Variants in RASAL2 observed in about 807,000 individuals in gnomAD.
RASAL2 encodes RAS protein activator like 2, also known as ras GTPase-activating protein nGAP.
RASAL2 carries 58 observed loss-of-function variants against 128.9 expected under a neutral mutation model. The ratio of observed to expected loss-of-function variants is 0.45; its 90% CI spans 0.36 to 0.56. RASAL2 has a LOEUF of 0.56. Among genes scored for constraint, RASAL2 ranks in the 20% least tolerant of loss-of-function variants. The pLI is 0.00. For synonymous variants in RASAL2, 561 were observed against 580.8 expected, an observed-to-expected ratio of 0.97 and a Z score of 0.49; for missense variants, 1,360 against 1,601.6, an observed-to-expected ratio of 0.85 and a Z score of 2.57.
At chr1:178,220,068 T>TG (rs1408309887) in intron 1 of RASAL2, among the ~76,000 whole-genome samples, 2 of 152,112 alleles carry the variant, frequency 1.3e-5, no homozygotes, top group African/African-American at 4.8e-5. Context: ...TCTCACCATG[T>TG]GATATGCCTG....
chr1:178,330,085 G>A (rs1046246616), intron 3 of RASAL2, among the ~76,000 whole-genome samples: 4 of 152,148 alleles, frequency 2.6e-5, no homozygotes, highest in African/African-American at 7.2e-5. Flanking sequence ...TAGGGGTAGG[G>A]GGAAGGATAA....
At chr1:178,277,252 G>T (rs1429588698) in intron 1 of RASAL2, among the ~76,000 whole-genome samples, 1 of 148,784 alleles carries the variant, frequency 6.7e-6, no homozygotes, top group Non-Finnish European at 1.5e-5. Flanking sequence ...TTGATGAAAA[G>T]AAAAAATGCA....
At chr1:178,401,818 G>T (rs1673646021) in intron 4 of RASAL2, among the ~76,000 whole-genome samples, 1 of 152,116 alleles carries the variant, frequency 6.6e-6, no homozygotes, top group African/African-American at 2.4e-5. Context: ...TTAAAATAAG[G>T]TGGTTACAGT....
At chr1:178,212,368 T>C (rs1038011223) in intron 1 of RASAL2, among the ~76,000 whole-genome samples, 1 of 152,236 alleles carries the variant, frequency 6.6e-6, no homozygotes, top group Non-Finnish European at 1.5e-5. Flanking sequence ...TTGTTGTTTT[T>C]GTGGTCTTCA....
intron 1 of RASAL2, among the ~76,000 whole-genome samples, chr1:178,142,273 T>C (rs1014993647): frequency 3.3e-5 from 5 of 152,118 alleles, no homozygotes; most frequent in African/African-American, 1.2e-4. Context: ...ATAAAATGAC[T>C]GGGTAGGGTC....
At chr1:178,393,326 A>G (rs1318935576) in intron 4 of RASAL2, among the ~76,000 whole-genome samples, 1 of 152,200 alleles carries the variant, frequency 6.6e-6, no homozygotes, top group Non-Finnish European at 1.5e-5. Context: ...GTTTTTCTGC[A>G]ACTAGACGGT....
rs553583420 is a variant in RASAL2 at position 178,345,937 on chromosome 1, G to C, written c.458-44163G>C. 1.2e-4 allele frequency among the ~76,000 whole-genome samples: 18 copies of C among 152,234 alleles called. No individual in the cohort carries two copies. In the South Asian group the frequency reaches 3.7e-3, roughly 32 times the overall value. On this transcript the variant is annotated intron_variant, in intron 3 of 17. Coordinates refer to ENST00000367649, the MANE Select transcript of RASAL2 (RefSeq NM_170692.4). The stretch of plus-strand genomic sequence containing the variant: ...TATGATTATAGAATATTTCTTATCA[G>C]TATTTTCTCAAAGTATGGGAAACTA...
chr1:178,183,516 CA>C (rs1430495370), intron 1 of RASAL2, among the ~76,000 whole-genome samples: 2 of 152,160 alleles, frequency 1.3e-5, no homozygotes, highest in African/African-American at 4.8e-5. Context: ...CTTCTTTTGG[CA>C]GCCAACTTAT....
chr1:178,224,720 A>T (rs1486093793), intron 1 of RASAL2, among the ~76,000 whole-genome samples: 1 of 152,164 alleles, frequency 6.6e-6, no homozygotes, highest in African/African-American at 2.4e-5. Context: ...AGCAAGTGGG[A>T]TACATATAAT....
chr1:178,334,632 T>A (rs1669495230), intron 3 of RASAL2, among the ~76,000 whole-genome samples: 1 of 152,160 alleles, frequency 6.6e-6, no homozygotes, highest in Non-Finnish European at 1.5e-5. Flanking sequence ...CATGAGCCAC[T>A]GCACCCGGCC....
At chr1:178,308,197 A>G (rs1477737653) in intron 3 of RASAL2, among the ~76,000 whole-genome samples, 1 of 152,132 alleles carries the variant, frequency 6.6e-6, no homozygotes, top group African/African-American at 2.4e-5. Flanking sequence ...ATTTAAAATT[A>G]TAATTTAACA....
intron 10 of RASAL2, 150 bp from the exon 11 acceptor site, chr1:178,452,266 G>C (rs866359148): frequency 4.4e-6 from 3 of 686,904 alleles, no homozygotes; most frequent in South Asian, 1.8e-5. Flanking sequence ...TCTCAGCCAT[G>C]AATCAGGTAA....
At chr1:178,391,338 G>A (rs1571987037) in intron 4 of RASAL2, among the ~76,000 whole-genome samples, 1 of 152,110 alleles carries the variant, frequency 6.6e-6, no homozygotes, top group Non-Finnish European at 1.5e-5. Context: ...TTTGTGACAT[G>A]CATCCATTGA....
intron 1 of RASAL2, among the ~76,000 whole-genome samples, chr1:178,152,811 G>T (rs562862571): frequency 6.6e-5 from 10 of 152,088 alleles, no homozygotes; most frequent in African/African-American, 2.4e-4. Context: ...GTCTTGTTTC[G>T]TTTGAACCTG....
intron 1 of RASAL2, among the ~76,000 whole-genome samples, chr1:178,167,387 A>G (rs1661553658): frequency 6.6e-6 from 1 of 152,172 alleles, no homozygotes; most frequent in South Asian, 2.1e-4. Context: ...AGTTTCAAAT[A>G]TAAAGCTGTG....
intron 1 of RASAL2, among the ~76,000 whole-genome samples, chr1:178,250,601 T>C (rs1163695677): frequency 1.3e-5 from 2 of 152,104 alleles, no homozygotes; most frequent in Non-Finnish European, 2.9e-5. Flanking sequence ...CTTGCTGGGG[T>C]TCCAGGCGCC....
Position 178,121,373 on chromosome 1 carries a change from A to T in RASAL2, c.202+26679A>T, listed in dbSNP as rs564927427. Among the ~76,000 whole-genome samples, 52 of 152,350 alleles carry T rather than the reference A, an allele frequency of 3.4e-4. 1 individual carries two copies. Among genetic ancestry groups the T allele is most frequent in the African/African-American group, 1.2e-3 (50 of 41,586 alleles). On this transcript the variant is annotated intron_variant, in intron 1 of 17. Transcript: ENST00000367649. Reference sequence around the variant, plus strand: ...GAAATACACAAGGTTATAGATGAAGAAACTGAGGCTAAAATAGGTTGTGAT... The same window carrying T: ...GAAATACACAAGGTTATAGATGAAGTAACTGAGGCTAAAATAGGTTGTGAT...
intron 1 of RASAL2, among the ~76,000 whole-genome samples, chr1:178,185,194 A>G (rs1014288462): frequency 2.7e-5 from 4 of 150,652 alleles, no homozygotes; most frequent in African/African-American, 7.3e-5. Flanking sequence ...TTAACCTTGT[A>G]TCCTGTGACC....
At chr1:178,215,357 C>T (rs1432934001) in intron 1 of RASAL2, among the ~76,000 whole-genome samples, 1 of 152,232 alleles carries the variant, frequency 6.6e-6, no homozygotes, top group African/African-American at 2.4e-5. Flanking sequence ...TGGGTTCTCT[C>T]TCTTCTTCTC....
Sources: allele counts gnomAD v4.1 joint callset (sites outside exome capture counted in the v4.1 genomes callset), GRCh38; gene constraint gnomAD v4.1.1; transcripts MANE v1.5; gene names NCBI Gene and HGNC (gene_info 2026-07-23, HGNC 2026-07-21).